Variants in DYNC2LI1 observed in about 807,000 individuals in gnomAD.
DYNC2LI1 encodes the protein cytoplasmic dynein 2 light intermediate chain 1.
Under a neutral mutation model 51.9 loss-of-function variants are expected in DYNC2LI1, and 45 were observed. That is an observed-to-expected ratio of 0.87 (90% CI 0.68 to 1.11). DYNC2LI1 has a LOEUF of 1.11. Ranked by LOEUF, DYNC2LI1 falls within the 50% of genes most tolerant of loss-of-function variation. The pLI, the probability that DYNC2LI1 is intolerant of heterozygous loss-of-function variation, is 0.00. For synonymous variants in DYNC2LI1, 130 were observed against 137.8 expected, an observed-to-expected ratio of 0.94 and a Z score of 0.40; for missense variants, 490 against 417.4, an observed-to-expected ratio of 1.17 and a Z score of -1.51.
intron 3 of DYNC2LI1, 39 bp downstream of exon 3, chr2:43,783,593 A>C: frequency 7.3e-7 from 1 of 1,377,144 alleles, no homozygotes. Context: ...ATTTATGCTT[A>C]TTCTAGTTGT....
intron 2 of DYNC2LI1, among the ~76,000 whole-genome samples, chr2:43,778,298 A>C (rs1418796569): frequency 6.6e-6 from 1 of 152,048 alleles, no homozygotes; most frequent in African/African-American, 2.4e-5. Context: ...GATTACAGGC[A>C]TGCGCCACCA....
the DYNC2LI1 span, chr2:43,826,255 C>G: frequency 7.0e-7 from 1 of 1,436,814 alleles, no homozygotes; most frequent in South Asian, 1.2e-5. Context: ...CTGCCTCAGC[C>G]TCCCAAAGTG....
intron 9 of DYNC2LI1, among the ~76,000 whole-genome samples, 200 bp downstream of exon 9, chr2:43,801,117 T>C (rs1433505291): frequency 6.7e-6 from 1 of 148,954 alleles, no homozygotes; most frequent in Non-Finnish European, 1.5e-5. Context: ...TTTTTAATTA[T>C]TAATATTATT....
At chr2:43,799,040 G>A (rs1665986128) in intron 8 of DYNC2LI1, among the ~76,000 whole-genome samples, 1 of 152,058 alleles carries the variant, frequency 6.6e-6, no homozygotes, top group African/African-American at 2.4e-5. Context: ...GGTAGCTCTT[G>A]CCTCTAATCT....
chr2:43,793,029 G>T, intron 5 of DYNC2LI1: 1 of 340,046 alleles, frequency 2.9e-6, no homozygotes, highest in Non-Finnish European at 5.2e-6. Flanking sequence ...AAGTGGAATT[G>T]CTGGATCATC....
At chr2:43,827,852 G>C in the DYNC2LI1 span, 5 of 1,444,322 alleles carry the variant, frequency 3.5e-6, no homozygotes, top group African/African-American at 1.4e-5. Flanking sequence ...TCCTCAGTTT[G>C]AAAAACCTGT....
At chr2:43,806,860 A>G (rs1056850663) in intron 12 of DYNC2LI1, among the ~76,000 whole-genome samples, 1 of 152,160 alleles carries the variant, frequency 6.6e-6, no homozygotes. Context: ...TCTCACTGCC[A>G]GCAGATCACC....
intron 5 of DYNC2LI1, among the ~76,000 whole-genome samples, chr2:43,791,382 A>G (rs1673776389): frequency 1.3e-5 from 2 of 152,122 alleles, no homozygotes; most frequent in Non-Finnish European, 2.9e-5. Context: ...TTGAAGCCCA[A>G]AAGGTTTTGG....
At chr2:43,807,549 C>T (rs575328895) in intron 12 of DYNC2LI1, among the ~76,000 whole-genome samples, 1 of 151,980 alleles carries the variant, frequency 6.6e-6, no homozygotes, top group East Asian at 1.9e-4. Flanking sequence ...AAGGGATCCT[C>T]CCATCTCAGC....
the DYNC2LI1 span, chr2:43,824,508 G>A: frequency 6.3e-7 from 1 of 1,598,736 alleles, no homozygotes; most frequent in Non-Finnish European, 8.5e-7. Flanking sequence ...AATTGGTACA[G>A]GAGTACTGGC....
chr2:43,806,567 G>A (rs1191478982), intron 12 of DYNC2LI1, among the ~76,000 whole-genome samples: 1 of 152,188 alleles, frequency 6.6e-6, no homozygotes, highest in Non-Finnish European at 1.5e-5. Context: ...TATGTTTGCA[G>A]CCTGGCTATA....
chr2:43,801,598 A>C (rs370596528), intron 9 of DYNC2LI1, 41 bp from the exon 10 acceptor site: 2 of 1,501,246 alleles, frequency 1.3e-6, no homozygotes, highest in South Asian at 1.2e-5. Flanking sequence ...CAGCAAATCT[A>C]ATTGCTAAAC....
intron 5 of DYNC2LI1, among the ~76,000 whole-genome samples, chr2:43,790,609 C>T (rs920840046): frequency 6.0e-5 from 9 of 151,242 alleles, no homozygotes; most frequent in African/African-American, 1.7e-4. Context: ...GTAATATATG[C>T]GCTTACAGAA....
intron 8 of DYNC2LI1, among the ~76,000 whole-genome samples, chr2:43,797,498 G>A (rs1665915900): frequency 6.8e-6 from 1 of 146,906 alleles, no homozygotes; most frequent in Non-Finnish European, 1.5e-5. Flanking sequence ...GTCCTTTAAT[G>A]CAATAAAATA....
At chr2:43,805,736 A>C (rs1207822221) in intron 12 of DYNC2LI1, among the ~76,000 whole-genome samples, 3 of 152,148 alleles carry the variant, frequency 2.0e-5, no homozygotes, top group Non-Finnish European at 4.4e-5. Context: ...GACATAACCC[A>C]GGTTCTCTCA....
At chr2:43,826,590 T>C in the DYNC2LI1 span, 1 of 1,605,014 alleles carries the variant, frequency 6.2e-7, no homozygotes, top group African/African-American at 1.3e-5. Context: ...AAACTCAGAG[T>C]TCTGAACTGT....
At chr2:43,824,027 C>G in the DYNC2LI1 span, 2 of 1,614,126 alleles carry the variant, frequency 1.2e-6, no homozygotes, top group South Asian at 1.1e-5. Flanking sequence ...ACCCGCAGAA[C>G]GAAGAAAAGG....
At chr2:43,812,928 G>A, downstream of DYNC2LI1, 1 of 600,176 alleles carries the variant, frequency 1.7e-6, no homozygotes, top group Non-Finnish European at 3.0e-6. Context: ...GTAAGAGCAA[G>A]GGACTATAAA....
In DYNC2LI1 at chr2:43,795,963, G is replaced by A. The variant is rs746688441; in HGVS notation, c.576+5G>A. 1 of 1,609,500 alleles carries A rather than the reference G, an allele frequency of 6.2e-7. No homozygotes were observed. Among genetic ancestry groups the A allele is most frequent in the Non-Finnish European group, 8.5e-7 (1 of 1,176,032 alleles). On this transcript the variant is annotated splice_donor_5th_base_variant and intron_variant, in intron 7 of 12. Transcript: ENST00000260605. ...AGTAAATATGATGTTTTTCAGGTAAGCTCTTCCGCTTCTAGCTGAGTTTGT... is the reference window on the plus strand; with the variant it reads ...AGTAAATATGATGTTTTTCAGGTAAACTCTTCCGCTTCTAGCTGAGTTTGT...
Sources: allele counts gnomAD v4.1 joint callset (sites outside exome capture counted in the v4.1 genomes callset), GRCh38; gene constraint gnomAD v4.1.1; transcripts MANE v1.5; gene names NCBI Gene and HGNC (gene_info 2026-07-23, HGNC 2026-07-21).